The following PDE4D variants were observed in gnomAD, a reference collection of about 807,000 sequenced individuals.
PDE4D encodes phosphodiesterase 4D, also known as 3',5'-cyclic-AMP phosphodiesterase 4D.
Under a neutral mutation model 87.4 loss-of-function variants are expected in PDE4D, and 24 were observed. The ratio of observed to expected loss-of-function variants is 0.27; its 90% CI spans 0.20 to 0.39. PDE4D has a LOEUF of 0.39. PDE4D is among the 10% of genes least tolerant of loss of function. The pLI is 1.00. For synonymous variants in PDE4D, 384 were observed against 383.2 expected, an observed-to-expected ratio of 1.00 and a Z score of -0.02; for missense variants, 714 against 1,041.0, an observed-to-expected ratio of 0.69 and a Z score of 4.32.
chr5:60,375,355 C>A (rs747425836), intron 1 of PDE4D, among the ~76,000 whole-genome samples: 1 of 152,068 alleles, frequency 6.6e-6, no homozygotes, highest in Non-Finnish European at 1.5e-5. Context: ...TTTTGGCATG[C>A]CTTATTTGTA....
intron 1 of PDE4D, among the ~76,000 whole-genome samples, chr5:59,487,808 G>A (rs753577573): frequency 6.6e-6 from 1 of 152,138 alleles, no homozygotes; most frequent in African/African-American, 2.4e-5. Flanking sequence ...AGGAGAAATA[G>A]CTCCCTTCTA....
chr5:59,973,041 C>T (rs766128781), intron 3 of PDE4D, among the ~76,000 whole-genome samples: 1 of 152,098 alleles, frequency 6.6e-6, no homozygotes, highest in South Asian at 2.1e-4. Flanking sequence ...CTACCTCCCA[C>T]CATAGTTGCC....
intron 1 of PDE4D, among the ~76,000 whole-genome samples, chr5:59,481,360 T>C (rs1804217175): frequency 6.7e-6 from 1 of 148,530 alleles, no homozygotes; most frequent in Non-Finnish European, 1.5e-5. Context: ...TGGGGAGTAA[T>C]ACAATGTAGT....
At chr5:58,980,634 T>C (rs2153317184) in intron 11 of PDE4D, among the ~76,000 whole-genome samples, 1 of 150,792 alleles carries the variant, frequency 6.6e-6, no homozygotes, top group African/African-American at 2.4e-5. Context: ...ATGCTACTAC[T>C]GAAGGCAGGA....
At chr5:60,335,504 C>T (rs1249732627) in intron 1 of PDE4D, among the ~76,000 whole-genome samples, 2 of 152,124 alleles carry the variant, frequency 1.3e-5, no homozygotes, top group East Asian at 3.9e-4. Context: ...GTAGGAAGTG[C>T]ATATATTTAT....
intron 1 of PDE4D, among the ~76,000 whole-genome samples, chr5:59,879,055 C>T (rs1749053150): frequency 6.6e-6 from 1 of 151,814 alleles, no homozygotes; most frequent in Non-Finnish European, 1.5e-5. Context: ...CCTGCCACCA[C>T]GCCCGGCTAA....
At position 59,489,275 on chromosome 5, in the gene PDE4D, A is replaced by C. The variant is rs202152617; in HGVS notation, c.456-273307T>G. Among the ~76,000 whole-genome samples, 785 of 140,936 alleles carry C rather than the reference A, an allele frequency of 5.6e-3. 37 individuals carry two copies. In the East Asian group the frequency reaches 0.12, roughly 22 times the overall value. 92.5% of individuals were successfully genotyped at this position (140,936 alleles called of 152,430 possible). A position where few individuals can be genotyped will look rare whatever the true frequency, so the allele number is the denominator to read the frequency against. ...TGAGACTCCATCTCAAAAAAAAAAA[A>C]CAAAAAAAACAAAAAAAAACATTGT... is the stretch of plus-strand genomic sequence containing the variant. On this transcript the variant is annotated intron_variant, in intron 1 of 14. Transcript: ENST00000340635.
At chr5:59,244,680 C>G (rs377033211) in intron 1 of PDE4D, among the ~76,000 whole-genome samples, 109 of 120,042 alleles carry the variant, frequency 9.1e-4, no homozygotes, top group East Asian at 2.7e-3. Flanking sequence ...GTGTGTGTGT[C>G]TGTGTGTGTG....
intron 1 of PDE4D, among the ~76,000 whole-genome samples, chr5:59,344,990 C>T (rs149180558): frequency 2.0e-5 from 3 of 151,888 alleles, no homozygotes; most frequent in East Asian, 3.9e-4. Context: ...TGCCAGAAGC[C>T]GGATTGATAT....
intron 1 of PDE4D, among the ~76,000 whole-genome samples, chr5:60,211,844 T>C (rs1459993567): frequency 3.9e-5 from 6 of 152,280 alleles, no homozygotes; most frequent in African/African-American, 1.4e-4. Context: ...CAGTATTTAC[T>C]GGTACTCTAT....
At chr5:59,408,967 T>A (rs1269367133) in intron 1 of PDE4D, among the ~76,000 whole-genome samples, 5 of 152,012 alleles carry the variant, frequency 3.3e-5, no homozygotes. Context: ...GCCAATGTGA[T>A]GAAAATCCCC....
intron 2 of PDE4D, among the ~76,000 whole-genome samples, chr5:59,196,514 T>C (rs62357997): frequency 0.09 from 13,725 of 152,280 alleles, 888 homozygotes; most frequent in Admixed American, 0.18. Flanking sequence ...ATTTCTCTTA[T>C]GTACTTATTT....
chr5:60,415,762 C>T (rs1419372880), intron 1 of PDE4D, among the ~76,000 whole-genome samples: 4 of 152,340 alleles, frequency 2.6e-5, no homozygotes, highest in Non-Finnish European at 4.4e-5. Flanking sequence ...TGCTCCAGGG[C>T]GCCCAGTCCC....
At chr5:60,407,338 A>T (rs1741625481) in intron 1 of PDE4D, among the ~76,000 whole-genome samples, 1 of 151,138 alleles carries the variant, frequency 6.6e-6, no homozygotes, top group Non-Finnish European at 1.5e-5. Flanking sequence ...TGTAACCTGG[A>T]TCCGCGCAGT....
intron 2 of PDE4D, among the ~76,000 whole-genome samples, chr5:60,014,818 C>A (rs940696486): frequency 1.3e-5 from 2 of 152,108 alleles, no homozygotes; most frequent in Admixed American, 1.3e-4. Context: ...AATAGTCTCA[C>A]AAAGTGACTC....
chr5:60,335,539 C>CA (rs1757681856), intron 1 of PDE4D, among the ~76,000 whole-genome samples: 2 of 152,102 alleles, frequency 1.3e-5, no homozygotes, highest in Non-Finnish European at 2.9e-5. Flanking sequence ...CAAGGATTCA[C>CA]AATTGTAAGC....
At chr5:59,538,400 C>A (rs1438861886) in intron 1 of PDE4D, among the ~76,000 whole-genome samples, 1 of 152,176 alleles carries the variant, frequency 6.6e-6, no homozygotes, top group Non-Finnish European at 1.5e-5. Context: ...CATAATTTCA[C>A]CCTCAAACTC....
intron 1 of PDE4D, among the ~76,000 whole-genome samples, chr5:60,283,110 T>C (rs571565310): frequency 1.3e-5 from 2 of 152,262 alleles, no homozygotes; most frequent in Admixed American, 6.5e-5. Context: ...GGTGGTAAAA[T>C]TTCTGACTAT....
chr5:60,451,158 T>C (rs1746068033), intron 1 of PDE4D, among the ~76,000 whole-genome samples: 1 of 152,096 alleles, frequency 6.6e-6, no homozygotes, highest in Non-Finnish European at 1.5e-5. Context: ...GCCCAGTGTC[T>C]TGTCAAAAAT....
Sources: allele counts gnomAD v4.1 joint callset (sites outside exome capture counted in the v4.1 genomes callset), GRCh38; gene constraint gnomAD v4.1.1; transcripts MANE v1.5; gene names NCBI Gene and HGNC (gene_info 2026-07-23, HGNC 2026-07-21).